CASQ2: variants seen among roughly 807,000 people sequenced by gnomAD.
CASQ2 encodes the protein calsequestrin 2.
CASQ2 carries 49 observed loss-of-function variants against 46.5 expected under a neutral mutation model. That is an observed-to-expected ratio of 1.05 (90% confidence interval 0.84 to 1.34). The LOEUF is 1.34. Among genes scored for constraint, CASQ2 ranks in the 40% most tolerant of loss-of-function variants. The pLI, the probability that CASQ2 is intolerant of heterozygous loss-of-function variation, is 0.00. For missense variants in CASQ2, 486 were observed against 481.3 expected, an observed-to-expected ratio of 1.01 and a Z score of -0.09; for synonymous variants, 174 against 168.5, an observed-to-expected ratio of 1.03 and a Z score of -0.25.
intron 1 of CASQ2, among the ~76,000 whole-genome samples, chr1:115,752,286 A>G (rs1056545686): frequency 6.6e-6 from 1 of 152,200 alleles, no homozygotes; most frequent in Non-Finnish European, 1.5e-5. Context: ...GCAAGTGCAC[A>G]TTAATTTATA....
At chr1:115,712,982 A>G (rs981766512) in intron 8 of CASQ2, among the ~76,000 whole-genome samples, 1 of 152,244 alleles carries the variant, frequency 6.6e-6, no homozygotes, top group African/African-American at 2.4e-5. Context: ...GATTTTTACA[A>G]GAACCTGAAG....
At chr1:115,707,226 C>G (rs1031819265) in intron 8 of CASQ2, among the ~76,000 whole-genome samples, 7 of 152,088 alleles carry the variant, frequency 4.6e-5, no homozygotes, top group Non-Finnish European at 1.0e-4. Flanking sequence ...ACAGGGGTCT[C>G]ACATTGTTGC....
chr1:115,757,022 G>A (rs1250317134), intron 1 of CASQ2, among the ~76,000 whole-genome samples: 1 of 152,108 alleles, frequency 6.6e-6, no homozygotes, highest in African/African-American at 2.4e-5. Context: ...TTATGAATAG[G>A]TGTCCTATTT....
rs549022661 is a variant in CASQ2 at position 115,729,699 on chromosome 1, C to G, written c.607-2577G>C. Among the ~76,000 whole-genome samples, 65 of 152,250 alleles carry G rather than the reference C, an allele frequency of 4.3e-4. 1 individual carries two copies. In the South Asian group the frequency reaches 0.013, roughly 32 times the overall value. On this transcript the variant is annotated intron_variant, in intron 5 of 10. Transcript: ENST00000261448. ...TACAAATCATTTTTCCTCCAGTTAG[C>G]AAGTCATTTTAGTTGTTGCCAATGA...
chr1:115,723,064 A>T (rs906239701), intron 7 of CASQ2, among the ~76,000 whole-genome samples: 2 of 152,034 alleles, frequency 1.3e-5, no homozygotes, highest in African/African-American at 2.4e-5. Flanking sequence ...AATAATAATA[A>T]TAAAAGAAAA....
At chr1:115,735,469 T>C (rs1261392420) in intron 4 of CASQ2, among the ~76,000 whole-genome samples, 2 of 152,248 alleles carry the variant, frequency 1.3e-5, no homozygotes, top group African/African-American at 4.8e-5. Context: ...TACTTGAATG[T>C]ACTTAATTGA....
chr1:115,703,749 A>G (rs1035356883), intron 9 of CASQ2, among the ~76,000 whole-genome samples: 3 of 152,122 alleles, frequency 2.0e-5, no homozygotes, highest in Admixed American at 6.6e-5. Context: ...TGTCTCTACA[A>G]GAAATTTTAA....
chr1:115,728,703 A>C (rs1647679012), intron 5 of CASQ2, among the ~76,000 whole-genome samples: 1 of 152,196 alleles, frequency 6.6e-6, no homozygotes, highest in Non-Finnish European at 1.5e-5. Flanking sequence ...TTTAATTCTC[A>C]CTTTGATTGT....
intron 5 of CASQ2, among the ~76,000 whole-genome samples, chr1:115,730,237 G>A (rs1293263498): frequency 1.3e-5 from 2 of 152,178 alleles, no homozygotes; most frequent in Non-Finnish European, 2.9e-5. Context: ...GCTTGTTGGA[G>A]GATACTAATA....
Position 115,703,278 on chromosome 1 carries a change from T to C in CASQ2, c.940-283A>G, listed in dbSNP as rs6675002. On this transcript the variant is annotated intron_variant, in intron 9 of 10. Coordinates refer to ENST00000261448, the MANE Select transcript of CASQ2 (RefSeq NM_001232.4). ...TTGCTTTCCAAATTACTTGTGGCTG[T>C]TTTATAGTTTATAGAGCCATTTCCC... Among the ~76,000 whole-genome samples the C allele has an allele frequency of 0.37, 57,019 of 152,110 alleles. 11,563 individuals carry two copies. The highest frequency in any genetic ancestry group is 0.52 in the African/African-American group (21,476 of 41,466).
Position 115,738,278 on chromosome 1 carries a change from G to A in CASQ2, c.478C>T (p.Arg160Cys), listed in dbSNP as rs750680032. 1.4e-5 allele frequency: 23 copies of A among 1,613,824 alleles called. 1 individual carries two copies. The highest frequency in any genetic ancestry group is 3.3e-5 in the Admixed American group (2 of 60,010). ...SSKLEVQAFERIEDYIKLIGF... is the reference protein window; with the variant it reads ...SSKLEVQAFECIEDYIKLIGF... ...ATGAGTTTGATGTAGTCTTCAATGC[G>A]TTCGAAGGCTTGGACTTCCAGTTTG... The change falls in exon 4 of 11, where the codon CGC (arginine) becomes TGC (cysteine). Residue 160 changes from arginine to cysteine, a missense_variant. Transcript: ENST00000261448.
intron 8 of CASQ2, among the ~76,000 whole-genome samples, chr1:115,706,084 A>C (rs145394575): frequency 6.6e-6 from 1 of 152,160 alleles, no homozygotes; most frequent in Non-Finnish European, 1.5e-5. Flanking sequence ...CCAGCTAGAA[A>C]CAGAAAAAAT....
chr1:115,722,441 G>A (rs935533736), intron 7 of CASQ2, among the ~76,000 whole-genome samples: 1 of 152,116 alleles, frequency 6.6e-6, no homozygotes, highest in South Asian at 2.1e-4. Flanking sequence ...GTGTCAACAG[G>A]GAGTATTTCT....
At chr1:115,715,853 C>T (rs925412623) in intron 8 of CASQ2, among the ~76,000 whole-genome samples, 9 of 152,144 alleles carry the variant, frequency 5.9e-5, no homozygotes, top group Non-Finnish European at 1.2e-4. Flanking sequence ...ACTCTCTAAT[C>T]ATCTGCCAGA....
intron 1 of CASQ2, among the ~76,000 whole-genome samples, chr1:115,755,089 C>A (rs1285424617): frequency 6.6e-6 from 1 of 152,232 alleles, no homozygotes; most frequent in East Asian, 1.9e-4. Flanking sequence ...GTCTCTAACA[C>A]AAAATCACAA....
chr1:115,759,781 C>T (rs772522840), intron 1 of CASQ2, among the ~76,000 whole-genome samples: 1 of 152,158 alleles, frequency 6.6e-6, no homozygotes, highest in Non-Finnish European at 1.5e-5. Context: ...ATCTTAATAT[C>T]CCACTTCCAT....
chr1:115,753,349 A>G (rs1399941968), intron 1 of CASQ2, among the ~76,000 whole-genome samples: 1 of 151,976 alleles, frequency 6.6e-6, no homozygotes, highest in Non-Finnish European at 1.5e-5. Context: ...CGGGGAGAGA[A>G]AGGATCCTGG....
chr1:115,762,504 C>T (rs968375330), intron 1 of CASQ2, among the ~76,000 whole-genome samples: 5 of 152,026 alleles, frequency 3.3e-5, no homozygotes, highest in Non-Finnish European at 7.4e-5. Flanking sequence ...GTTGCTATTC[C>T]CCACTCTCCA....
In CASQ2 at chr1:115,701,116, A is replaced by C; in HGVS notation, c.*125T>G. ...CTCCTGACGCAAAGGGAGTGGGAAA[A>C]GAGATGATGGAAAAGGGAAAGGAGC... On this transcript the variant is annotated 3_prime_UTR_variant, in exon 11 of 11. Transcript: ENST00000261448. 6.9e-7 allele frequency: 1 copy of C among 1,439,962 alleles called. No individual in the cohort carries two copies. The highest frequency in any genetic ancestry group is 9.8e-7 in the Non-Finnish European group (1 of 1,024,486). The allele number at this position is 1,439,962 out of a possible 1,614,324, so 89.2% of individuals were successfully genotyped here.
Sources: gnomAD v4.1 joint callset for allele counts (sites outside exome capture counted in the v4.1 genomes callset) on GRCh38, gnomAD v4.1.1 for gene constraint, MANE v1.5 for transcripts, NCBI Gene and HGNC (gene_info 2026-07-23, HGNC 2026-07-21) for gene names.